DOCK1: variants seen among roughly 807,000 people sequenced by gnomAD.
The protein encoded by DOCK1 is dedicator of cytokinesis 1.
Under a neutral mutation model 262.7 loss-of-function variants are expected in DOCK1, and 138 were observed. The ratio of observed to expected loss-of-function variants is 0.53; its 90% confidence interval spans 0.46 to 0.61. The LOEUF is 0.61. Among genes scored for constraint, DOCK1 ranks in the 20% least tolerant of loss-of-function variants. The pLI is 0.00. For missense variants in DOCK1, 1,908 were observed against 2,370.7 expected, an observed-to-expected ratio of 0.80 and a Z score of 4.05; for synonymous variants, 866 against 867.4, an observed-to-expected ratio of 1.00 and a Z score of 0.03.
chr10:127,336,633 A>G (rs999775150), intron 29 of DOCK1, among the ~76,000 whole-genome samples: 5 of 150,740 alleles, frequency 3.3e-5, no homozygotes, highest in East Asian at 2.0e-4. Context: ...TCCGCCTCCC[A>G]GGTTCGCACC....
intron 27 of DOCK1, among the ~76,000 whole-genome samples, chr10:127,177,987 C>T (rs1464445318): frequency 6.6e-6 from 1 of 152,174 alleles, no homozygotes; most frequent in Non-Finnish European, 1.5e-5. Flanking sequence ...ATGCTGTTCT[C>T]ATAGACCCAG....
At chr10:127,252,254 T>C (rs1362806389) in intron 28 of DOCK1, among the ~76,000 whole-genome samples, 1 of 147,340 alleles carries the variant, frequency 6.8e-6, no homozygotes, top group Non-Finnish European at 1.5e-5. Context: ...TCTTTTAAAT[T>C]TGTTTGAGTT....
At chr10:127,364,184 A>G (rs2064761699) in intron 33 of DOCK1, among the ~76,000 whole-genome samples, 2 of 152,148 alleles carry the variant, frequency 1.3e-5, no homozygotes, top group Non-Finnish European at 2.9e-5. Flanking sequence ...CCATTTCGTC[A>G]GGGTTGTTCC....
intron 19 of DOCK1, among the ~76,000 whole-genome samples, chr10:127,041,308 G>A (rs1249383900): frequency 6.6e-6 from 1 of 152,174 alleles, no homozygotes; most frequent in African/African-American, 2.4e-5. Context: ...ATGTTGGTCA[G>A]GCTGGTCTCG....
At chr10:126,912,727 GAAAAA>G (rs66679297) in intron 1 of DOCK1, among the ~76,000 whole-genome samples, 1 of 126,150 alleles carries the variant, frequency 7.9e-6, no homozygotes, top group African/African-American at 3.0e-5. Context: ...CTCCATCTCG[GAAAAA>G]AAAAAAAAAA....
intron 16 of DOCK1, among the ~76,000 whole-genome samples, chr10:127,028,220 G>A (rs1022671836): frequency 6.6e-6 from 1 of 152,170 alleles, no homozygotes; most frequent in Non-Finnish European, 1.5e-5. Context: ...AGCTTGGAAG[G>A]CAGTTCCCTG....
intron 31 of DOCK1, chr10:127,344,095 T>A (rs2063535240): frequency 5.1e-6 from 1 of 195,782 alleles, no homozygotes; most frequent in Non-Finnish European, 1.0e-5. Flanking sequence ...GAGCTTCTGA[T>A]GAAAGCTCTT....
intron 29 of DOCK1, among the ~76,000 whole-genome samples, chr10:127,298,220 A>G (rs185033358): frequency 9.8e-5 from 15 of 152,314 alleles, no homozygotes; most frequent in Admixed American, 8.5e-4. Context: ...AATAATATCT[A>G]TATGCTAATT....
chr10:127,000,474 A>G, intron 10 of DOCK1, 167 bp downstream of exon 10: 1 of 1,050,000 alleles, frequency 9.5e-7, no homozygotes. Context: ...CTTCAAGTTG[A>G]CCTGCTAGGC....
At chr10:127,023,362 G>C in intron 14 of DOCK1, 38 bp downstream of exon 14, 1 of 1,610,568 alleles carries the variant, frequency 6.2e-7, no homozygotes, top group Non-Finnish European at 8.5e-7. Flanking sequence ...TAGTGTTTCA[G>C]TTTTACTTGC....
chr10:127,245,313 A>G (rs1472674288), intron 27 of DOCK1, among the ~76,000 whole-genome samples: 2 of 152,256 alleles, frequency 1.3e-5, no homozygotes, highest in Non-Finnish European at 2.9e-5. Context: ...GAAAGGAAAG[A>G]CTGAACGATG....
chr10:127,239,852 A>C (rs2059201569), intron 27 of DOCK1, among the ~76,000 whole-genome samples: 1 of 152,170 alleles, frequency 6.6e-6, no homozygotes, highest in African/African-American at 2.4e-5. Context: ...TTATATTAAG[A>C]AGCTGCAAAC....
At chr10:127,402,688 C>T (rs773495725) in intron 38 of DOCK1, 48 of 526,086 alleles carry the variant, frequency 9.1e-5, no homozygotes, top group Non-Finnish European at 1.6e-4. Context: ...CACAGCCTCT[C>T]TTCACCCTAC....
chr10:127,411,759 G>C (rs1022906789), intron 43 of DOCK1, among the ~76,000 whole-genome samples: 7 of 152,042 alleles, frequency 4.6e-5, no homozygotes, highest in Non-Finnish European at 1.5e-5. Context: ...AGAATCGCTT[G>C]AACCCAGGAG....
At chr10:127,256,730 A>G (rs1004094742) in intron 28 of DOCK1, among the ~76,000 whole-genome samples, 1 of 152,170 alleles carries the variant, frequency 6.6e-6, no homozygotes, top group African/African-American at 2.4e-5. Context: ...CCTGCGAAGT[A>G]CACAGCATCA....
intron 29 of DOCK1, among the ~76,000 whole-genome samples, chr10:127,334,907 A>G (rs573535665): frequency 5.3e-5 from 8 of 152,302 alleles, no homozygotes; most frequent in Non-Finnish European, 7.3e-5. Flanking sequence ...AGAAGTTTGC[A>G]TAAGAAGAAC....
intron 23 of DOCK1, among the ~76,000 whole-genome samples, chr10:127,077,746 T>G (rs761760960): frequency 6.6e-6 from 1 of 152,120 alleles, no homozygotes; most frequent in African/African-American, 2.4e-5. Flanking sequence ...CACTGCATCA[T>G]TGGGTGTCCA....
intron 29 of DOCK1, among the ~76,000 whole-genome samples, chr10:127,260,653 CTG>C (rs556637298): frequency 4.8e-4 from 64 of 133,704 alleles, no homozygotes; most frequent in Admixed American, 2.6e-3. Flanking sequence ...CCGTGCTCAT[CTG>C]TGTGTGTCCC....
chr10:127,441,268 G>A (rs1020684644), intron 49 of DOCK1, among the ~76,000 whole-genome samples: 4 of 152,174 alleles, frequency 2.6e-5, no homozygotes, highest in Non-Finnish European at 5.9e-5. Context: ...TCCTTCTAGG[G>A]TCCTTGCAAG....
Sources: gnomAD v4.1 joint callset for allele counts (sites outside exome capture counted in the v4.1 genomes callset) on GRCh38, gnomAD v4.1.1 for gene constraint, MANE v1.5 for transcripts, NCBI Gene and HGNC (gene_info 2026-07-23, HGNC 2026-07-21) for gene names.